The following SYT14 variants were observed in gnomAD, a reference collection of about 807,000 sequenced individuals.
SYT14 encodes synaptotagmin-14.
Under a neutral mutation model 74.2 loss-of-function variants are expected in SYT14, and 32 were observed. That is an observed-to-expected ratio of 0.43 (90% CI 0.33 to 0.58). The LOEUF (loss-of-function observed/expected upper bound fraction) is 0.58, where lower values mean the gene tolerates loss of function less well. Ranked by LOEUF, SYT14 falls within the 20% of genes least tolerant of loss-of-function variation. The pLI, the probability that SYT14 is intolerant of heterozygous loss-of-function variation, is 0.05. For missense variants in SYT14, 791 were observed against 981.8 expected (o/e 0.81, Z 2.60); for synonymous variants, 298 against 337.7 (o/e 0.88, Z 1.29).
At chr1:210,162,426 G>T in exon 10 of SYT14, 1 of 384,306 alleles carries the variant, frequency 2.6e-6, no homozygotes, top group South Asian at 2.0e-5. Flanking sequence ...TTTATATTTA[G>T]GAACTCTAAT....
chr1:209,998,312 A>C (rs1165854146), intron 2 of SYT14, among the ~76,000 whole-genome samples: 3 of 152,086 alleles, frequency 2.0e-5, no homozygotes, highest in Non-Finnish European at 4.4e-5. Context: ...GACCCAAACA[A>C]ATGGAAAGCC....
chr1:210,154,191 T>C (rs1341457500), intron 7 of SYT14, among the ~76,000 whole-genome samples: 1 of 152,164 alleles, frequency 6.6e-6, no homozygotes, highest in Non-Finnish European at 1.5e-5. Flanking sequence ...TGAACAGTCT[T>C]CCAGCATCTC....
intron 7 of SYT14, among the ~76,000 whole-genome samples, chr1:210,102,686 A>T (rs1262283050): frequency 6.6e-6 from 1 of 151,932 alleles, no homozygotes; most frequent in Non-Finnish European, 1.5e-5. Context: ...TTTTTTCCCC[A>T]GAGTCAGGGT....
At chr1:209,959,295 AC>A (rs1160600154) in intron 2 of SYT14, among the ~76,000 whole-genome samples, 1 of 152,056 alleles carries the variant, frequency 6.6e-6, no homozygotes, top group African/African-American at 2.4e-5. Context: ...GGTGTGTGCC[AC>A]CACACCCAGC....
chr1:210,049,606 C>G lies in SYT14; in HGVS notation c.1312+28352C>G, dbSNP rs117318367. Among the ~76,000 whole-genome samples the G allele has an allele frequency of 2.1e-3, 313 of 152,162 alleles. 10 individuals carry two copies. In the East Asian group the frequency reaches 0.053, roughly 26 times the overall value. Reference sequence around the variant, plus strand: ...TTACACCCCACCCTGCTGACAGGCCCCAGTGTGTGATGTTCCCCTCCCTGT... The same window carrying G: ...TTACACCCCACCCTGCTGACAGGCCGCAGTGTGTGATGTTCCCCTCCCTGT... On this transcript the variant is annotated intron_variant, in intron 5 of 9. Coordinates refer to ENST00000637265, the Ensembl canonical transcript of SYT14.
intron 8 of SYT14, among the ~76,000 whole-genome samples, chr1:210,157,834 C>T (rs992495054): frequency 2.3e-4 from 35 of 151,840 alleles, no homozygotes; most frequent in Non-Finnish European, 2.6e-4. Flanking sequence ...TTAACTCTTT[C>T]TAGTTGTCGT....
At chr1:210,065,874 C>A (rs1225425903) in intron 5 of SYT14, among the ~76,000 whole-genome samples, 1 of 151,240 alleles carries the variant, frequency 6.6e-6, no homozygotes, top group East Asian at 2.0e-4. Context: ...TTTCCCTCCC[C>A]CTTCCCCCCA....
At chr1:210,066,525 CT>C in intron 5 of SYT14, among the ~76,000 whole-genome samples, 1 of 152,252 alleles carries the variant, frequency 6.6e-6, no homozygotes, top group South Asian at 2.1e-4. Flanking sequence ...TAAATGTCTT[CT>C]TTTGAGAAGT....
At chr1:210,101,072 C>G (rs187826903) in intron 7 of SYT14, among the ~76,000 whole-genome samples, 3 of 152,184 alleles carry the variant, frequency 2.0e-5, no homozygotes, top group African/African-American at 7.2e-5. Flanking sequence ...TTTTTGTCCT[C>G]CAGATGATAA....
chr1:210,028,424 C>T (rs897845888), intron 5 of SYT14, among the ~76,000 whole-genome samples: 1 of 152,060 alleles, frequency 6.6e-6, no homozygotes, highest in African/African-American at 2.4e-5. Context: ...CATTAAACAA[C>T]TCCATTCCCC....
chr1:210,075,689 A>G (rs943961211), intron 5 of SYT14, among the ~76,000 whole-genome samples: 1 of 152,088 alleles, frequency 6.6e-6, no homozygotes. Context: ...GGGTGGTCTT[A>G]GGAAATGCAA....
At chr1:210,065,363 T>C (rs1420541444) in intron 5 of SYT14, among the ~76,000 whole-genome samples, 1 of 152,012 alleles carries the variant, frequency 6.6e-6, no homozygotes, top group East Asian at 1.9e-4. Context: ...GATCTGATGG[T>C]TTTATAAGGG....
intron 5 of SYT14, among the ~76,000 whole-genome samples, chr1:210,071,501 T>A (rs1490155133): frequency 6.6e-6 from 1 of 152,024 alleles, no homozygotes; most frequent in Non-Finnish European, 1.5e-5. Flanking sequence ...TGTGGGTACA[T>A]GTGTCTTAAA....
chr1:210,037,311 G>A (rs560126373), intron 5 of SYT14, among the ~76,000 whole-genome samples: 4 of 151,860 alleles, frequency 2.6e-5, no homozygotes, highest in Non-Finnish European at 5.9e-5. Flanking sequence ...GCATATTTGA[G>A]TATTCTTTCC....
In SYT14 at chr1:209,960,782, C is replaced by T. The variant is rs544876145; in HGVS notation, c.-486+8026C>T. On this transcript the variant is annotated intron_variant, in intron 2 of 9. Coordinates refer to ENST00000637265, the Ensembl canonical transcript of SYT14. The stretch of plus-strand genomic sequence containing the variant: ...GATGTGCATGGTAGTGGTAGGTTTA[C>T]AAATTATGGGGCTACAATAGATATC... Among the ~76,000 whole-genome samples the T allele has an allele frequency of 3.3e-5, 5 of 152,298 alleles. No individual in the cohort carries two copies. In the South Asian group the frequency reaches 1.0e-3, roughly 32 times the overall value.
intron 2 of SYT14, among the ~76,000 whole-genome samples, chr1:209,957,231 T>C (rs2079007715): frequency 6.6e-6 from 1 of 152,156 alleles, no homozygotes; most frequent in African/African-American, 2.4e-5. Context: ...TGCTGTCTTC[T>C]CTCTTCTCTC....
At chr1:210,003,729 GCTT>G (rs1443453434) in intron 2 of SYT14, among the ~76,000 whole-genome samples, 3 of 152,144 alleles carry the variant, frequency 2.0e-5, no homozygotes, top group Non-Finnish European at 4.4e-5. Context: ...TGCTGGCAAT[GCTT>G]CTTAACTTGC....
At chr1:209,942,941 A>G (rs1190431102) in intron 1 of SYT14, among the ~76,000 whole-genome samples, 1 of 152,108 alleles carries the variant, frequency 6.6e-6, no homozygotes, top group Non-Finnish European at 1.5e-5. Context: ...TATATAGTGC[A>G]TTTACTTCTA....
chr1:210,155,725 G>T (rs1371169150), exon 8 of SYT14: 1 of 1,613,978 alleles, frequency 6.2e-7, no homozygotes, highest in Admixed American at 1.7e-5. Flanking sequence ...TTACAGGGCT[G>T]TGACTCCCAA....
Sources: allele counts gnomAD v4.1 joint callset (sites outside exome capture counted in the v4.1 genomes callset), GRCh38; gene constraint gnomAD v4.1.1; transcripts MANE v1.5; gene names NCBI Gene and HGNC (gene_info 2026-07-23, HGNC 2026-07-21).